The following MED31 variants were observed in gnomAD, a reference collection of about 807,000 sequenced individuals.
MED31 encodes the protein mediator complex subunit 31.
A neutral mutation model predicts 22.0 loss-of-function variants in MED31; 11 were observed. The observed-to-expected ratio is 0.50, with a 90% CI of 0.31 to 0.83. The LOEUF is 0.83. MED31 is among the 40% of genes least tolerant of loss of function. The pLI, the probability that MED31 is intolerant of heterozygous loss-of-function variation, is 0.04. For synonymous variants in MED31, 60 were observed against 55.1 expected, an observed-to-expected ratio of 1.09 and a Z score of -0.40; for missense variants, 122 against 155.3, an observed-to-expected ratio of 0.79 and a Z score of 1.14.
In MED31 at chr17:6,646,025, T is replaced by A. The variant is rs1343845121; in HGVS notation, c.204-1366A>T. Reference sequence around the variant, plus strand: ...CAAATAGACTTCATGTGACTGCAGATATATGAAGGATACAAATCATTTCTG... The same window carrying A: ...CAAATAGACTTCATGTGACTGCAGAAATATGAAGGATACAAATCATTTCTG... On this transcript the variant is annotated intron_variant, in intron 3 of 3. Coordinates refer to ENST00000225728, the MANE Select transcript of MED31 (RefSeq NM_016060.3). Among the ~76,000 whole-genome samples, 3 of 152,256 alleles carry A rather than the reference T, an allele frequency of 2.0e-5. No homozygotes were observed. In the East Asian group the frequency reaches 5.8e-4, roughly 29 times the overall value.
chr17:6,647,021 G>A (rs1972775757), intron 3 of MED31, among the ~76,000 whole-genome samples: 1 of 152,182 alleles, frequency 6.6e-6, no homozygotes, highest in Non-Finnish European at 1.5e-5. Context: ...TTAGATATTT[G>A]TGTAAAGTGA....
At chr17:6,650,489 G>T in intron 1 of MED31, 56 bp from the exon 2 acceptor site, 1 of 1,500,700 alleles carries the variant, frequency 6.7e-7, no homozygotes, top group South Asian at 1.2e-5. Flanking sequence ...ATATAATACT[G>T]ATTTGTAGTA....
chr17:6,646,592 AAT>A (rs1331311262), intron 3 of MED31, among the ~76,000 whole-genome samples: 1 of 152,232 alleles, frequency 6.6e-6, no homozygotes, highest in Non-Finnish European at 1.5e-5. Flanking sequence ...CCTTGTTAAC[AAT>A]ATGTTTGCAG....
Position 6,650,226 on chromosome 17 carries a change from T to C in MED31, c.106+130A>G. On this transcript the variant is annotated intron_variant, in intron 2 of 3. Coordinates refer to ENST00000225728, the MANE Select transcript of MED31 (RefSeq NM_016060.3). ...ACACAAGTCCCAGTACGCAATTATATCTATATACCAGCATAAGTGTAATGT... is the reference window on the plus strand; with the variant it reads ...ACACAAGTCCCAGTACGCAATTATACCTATATACCAGCATAAGTGTAATGT... The C allele has an allele frequency of 4.2e-6, 5 of 1,183,870 alleles. No individual in the cohort carries two copies. In the South Asian group the frequency reaches 7.1e-5, roughly 17 times the overall value. The allele number at this position is 1,183,870 out of a possible 1,614,324, so 73.3% of individuals were successfully genotyped here.
At chr17:6,650,213 GTACGCAATTATATCTA>G (rs574790389) in intron 2 of MED31, 127 bp downstream of exon 2, 25,482 of 1,228,126 alleles carry the variant, frequency 0.021, 292 homozygotes, top group Non-Finnish European at 0.024. Context: ...ACAAGTCCCA[GTACGCAATTATATCTA>G]TATACCAGCA....
At chr17:6,650,314 C>A (rs1341081251) in intron 2 of MED31, 42 bp downstream of exon 2, 1 of 1,574,492 alleles carries the variant, frequency 6.4e-7, no homozygotes, top group South Asian at 1.1e-5. Context: ...TGTCAGAAAT[C>A]ATTAATAGCT....
At chr17:6,644,916 C>T (rs1377800347) in intron 3 of MED31, among the ~76,000 whole-genome samples, 2 of 152,176 alleles carry the variant, frequency 1.3e-5, no homozygotes, top group Non-Finnish European at 2.9e-5. Flanking sequence ...AACTGGTAAG[C>T]AGAGTGAAAA....
intron 3 of MED31, among the ~76,000 whole-genome samples, chr17:6,649,011 C>T (rs773032644): frequency 4.9e-4 from 75 of 152,182 alleles, no homozygotes; most frequent in Non-Finnish European, 7.9e-4. Flanking sequence ...GATAAAAAGC[C>T]AGAAAAGGTG....
chr17:6,644,320 T>C lies in MED31; in HGVS notation c.*147A>G. 1.2e-6 allele frequency: 1 copy of C among 841,768 alleles called. No individual in the cohort carries two copies. The highest frequency in any genetic ancestry group is 2.9e-5 in the South Asian group (1 of 33,938). 52.1% of individuals were successfully genotyped at this position (841,768 alleles called of 1,614,324 possible). Reference sequence around the variant, plus strand: ...TTTAACAGAAATAGTCTATTAACAATAAAAAGTTGGATGAAAAAGCACACT... The same window carrying C: ...TTTAACAGAAATAGTCTATTAACAACAAAAAGTTGGATGAAAAAGCACACT... On this transcript the variant is annotated 3_prime_UTR_variant, in exon 4 of 4. Coordinates refer to ENST00000225728, the MANE Select transcript of MED31 (RefSeq NM_016060.3).
chr17:6,645,096 G>A (rs1972750201), intron 3 of MED31, among the ~76,000 whole-genome samples: 2 of 152,172 alleles, frequency 1.3e-5, no homozygotes, highest in Non-Finnish European at 2.9e-5. Context: ...CGCATACATT[G>A]TACTCTTGTT....
chr17:6,643,881 T>C lies in MED31; in HGVS notation c.*586A>G, dbSNP rs748091607. On this transcript the variant is annotated 3_prime_UTR_variant, in exon 4 of 4. Transcript: ENST00000225728. ...GTTAGTAACTAACCACTAGTTGTCC[T>C]GCCATGACTAGGTCAAGTGAGGCCA... The C allele has an allele frequency of 2.6e-6, 1 of 379,506 alleles. No individual in the cohort carries two copies. The allele number at this position is 379,506 out of a possible 1,614,324, so 23.5% of individuals were successfully genotyped here.
intron 1 of MED31, 194 bp downstream of exon 1, chr17:6,651,307 A>C: frequency 1.4e-6 from 1 of 730,096 alleles, no homozygotes; most frequent in Non-Finnish European, 2.2e-6. Context: ...TGAATAGCAA[A>C]GATGTGCGAA....
chr17:6,647,504 G>A (rs1972781331), intron 3 of MED31, among the ~76,000 whole-genome samples: 1 of 152,198 alleles, frequency 6.6e-6, no homozygotes, highest in Non-Finnish European at 1.5e-5. Context: ...CTTAGGCCTG[G>A]AGTGGGGCCT....
intron 2 of MED31, 115 bp from the exon 3 acceptor site, chr17:6,650,193 G>A (rs1410619529): frequency 5.7e-6 from 7 of 1,237,918 alleles, no homozygotes; most frequent in African/African-American, 1.5e-5. Context: ...ACACACATTG[G>A]ATTCAAAACA....
At chr17:6,648,411 G>T (rs924727119) in intron 3 of MED31, among the ~76,000 whole-genome samples, 4 of 152,234 alleles carry the variant, frequency 2.6e-5, no homozygotes, top group Admixed American at 2.6e-4. Flanking sequence ...CCAAGTGGTA[G>T]AAAGTGTCTC....
chr17:6,649,409 G>A (rs1392658941), intron 3 of MED31, among the ~76,000 whole-genome samples: 1 of 152,078 alleles, frequency 6.6e-6, no homozygotes, highest in Non-Finnish European at 1.5e-5. Flanking sequence ...TTAAATAAAA[G>A]ACAGCAACTC....
chr17:6,648,757 A>T (rs1295774622), intron 3 of MED31, among the ~76,000 whole-genome samples: 1 of 152,260 alleles, frequency 6.6e-6, no homozygotes, highest in Non-Finnish European at 1.5e-5. Context: ...GAGGTACATT[A>T]TATCACAATA....
At chr17:6,649,397 C>G (rs570019376) in intron 3 of MED31, among the ~76,000 whole-genome samples, 2 of 152,060 alleles carry the variant, frequency 1.3e-5, no homozygotes, top group East Asian at 1.9e-4. Context: ...AAATAAGAGG[C>G]CTTAAATAAA....
intron 3 of MED31, among the ~76,000 whole-genome samples, chr17:6,647,385 T>C (rs190866497): frequency 3.3e-5 from 5 of 152,214 alleles, no homozygotes; most frequent in African/African-American, 1.2e-4. Flanking sequence ...AAAGCCAAAG[T>C]TGCACAAGTG....
Sources: gnomAD v4.1 joint callset for allele counts (sites outside exome capture counted in the v4.1 genomes callset) on GRCh38, gnomAD v4.1.1 for gene constraint, MANE v1.5 for transcripts, NCBI Gene and HGNC (gene_info 2026-07-23, HGNC 2026-07-21) for gene names.